The following MYRIP variants were observed in gnomAD, a reference collection of about 807,000 sequenced individuals.
MYRIP encodes the protein rab effector MyRIP.
In MYRIP, 49 loss-of-function variants were observed where a neutral mutation model predicts 98.0. The observed-to-expected ratio is 0.50, with a 90% confidence interval of 0.40 to 0.63. The LOEUF (loss-of-function observed/expected upper bound fraction) is 0.63. Ranked by LOEUF, MYRIP falls within the 30% of genes least tolerant of loss-of-function variation. The probability of loss-of-function intolerance (pLI) is 0.00; values close to 1 mark genes in which losing one functional copy is unlikely to be tolerated. For missense variants in MYRIP, 1,004 were observed against 1,058.2 expected (o/e 0.95, Z 0.71); for synonymous variants, 404 against 409.5 (o/e 0.99, Z 0.16).
intron 2 of MYRIP, among the ~76,000 whole-genome samples, chr3:40,015,129 A>C (rs2125800123): frequency 6.6e-6 from 1 of 152,326 alleles, no homozygotes; most frequent in Middle Eastern, 3.4e-3. Context: ...ACAAGTTAAG[A>C]AGATGCCTAC....
At chr3:39,994,568 A>G (rs1946283298) in intron 2 of MYRIP, among the ~76,000 whole-genome samples, 2 of 152,220 alleles carry the variant, frequency 1.3e-5, no homozygotes, top group Admixed American at 1.3e-4. Context: ...AGCCCACCAC[A>G]GCTCAAGGAG....
chr3:39,810,293 C>T (rs1940629805), intron 1 of MYRIP, among the ~76,000 whole-genome samples: 1 of 152,216 alleles, frequency 6.6e-6, no homozygotes, highest in African/African-American at 2.4e-5. Flanking sequence ...CGCCTCAAAC[C>T]ATCCGTTAAG....
chr3:40,050,374 A>G (rs1162070830), intron 3 of MYRIP, among the ~76,000 whole-genome samples: 1 of 152,230 alleles, frequency 6.6e-6, no homozygotes, highest in East Asian at 1.9e-4. Context: ...TGCTCTATAA[A>G]TAAAACAACA....
At chr3:40,122,304 T>C (rs763253162) in intron 3 of MYRIP, among the ~76,000 whole-genome samples, 2 of 151,784 alleles carry the variant, frequency 1.3e-5, no homozygotes, top group Non-Finnish European at 2.9e-5. Flanking sequence ...AAAGTACATA[T>C]GAAATAGAAA....
chr3:40,093,575 G>A (rs1254490394), intron 3 of MYRIP, among the ~76,000 whole-genome samples: 1 of 152,218 alleles, frequency 6.6e-6, no homozygotes, highest in East Asian at 1.9e-4. Context: ...TATCAGGTAT[G>A]TTTACCCCGT....
At chr3:39,923,638 A>G (rs1434024907) in intron 2 of MYRIP, among the ~76,000 whole-genome samples, 2 of 152,162 alleles carry the variant, frequency 1.3e-5, no homozygotes, top group South Asian at 2.1e-4. Flanking sequence ...TTACCAGGAG[A>G]CCTTTGCTAA....
intron 8 of MYRIP, among the ~76,000 whole-genome samples, chr3:40,178,695 A>G (rs1281707500): frequency 6.6e-6 from 1 of 152,182 alleles, no homozygotes; most frequent in African/African-American, 2.4e-5. Context: ...CATGATACTG[A>G]TCCCTTAACA....
At chr3:40,215,973 C>T (rs887370983) in intron 11 of MYRIP, among the ~76,000 whole-genome samples, 2 of 152,234 alleles carry the variant, frequency 1.3e-5, no homozygotes, top group African/African-American at 2.4e-5. Context: ...CATTCATGCT[C>T]ATCTGCACTC....
chr3:40,138,432 T>A lies in MYRIP; in HGVS notation c.333-12616T>A, dbSNP rs545555564. 5.1e-4 allele frequency among the ~76,000 whole-genome samples: 78 copies of A among 152,362 alleles called. No individual in the cohort carries two copies. The South Asian group carries it at 0.016, about 32-fold the overall frequency. On this transcript the variant is annotated intron_variant, in intron 3 of 16. Transcript: ENST00000302541. ...TCAGTTCTAACTATGTTGTCATTGGTAAATTTTGAAGGTTTGCTGTTATTT... is the reference window on the plus strand; with the variant it reads ...TCAGTTCTAACTATGTTGTCATTGGAAAATTTTGAAGGTTTGCTGTTATTT...
At chr3:40,198,076 G>A (rs1026695870) in intron 10 of MYRIP, among the ~76,000 whole-genome samples, 1 of 152,168 alleles carries the variant, frequency 6.6e-6, no homozygotes, top group African/African-American at 2.4e-5. Flanking sequence ...CATGGTTTTT[G>A]TAGTCTCTAC....
intron 2 of MYRIP, among the ~76,000 whole-genome samples, chr3:40,035,815 G>A (rs1314689131): frequency 6.6e-6 from 1 of 151,820 alleles, no homozygotes; most frequent in Non-Finnish European, 1.5e-5. Context: ...GCACATGAGT[G>A]GAACAGGCAT....
At position 39,828,170 on chromosome 3, in the gene MYRIP, A is replaced by G. The variant is rs115079153; in HGVS notation, c.-31+18254A>G. On this transcript the variant is annotated intron_variant, in intron 1 of 16. Transcript: ENST00000302541. ...GTTTTCAGCTATTATTTTATTAAGT[A>G]TATTTTCTACATGTTTCTTCTTCTC... Among the ~76,000 whole-genome samples the G allele has an allele frequency of 9.6e-3, 1,453 of 152,016 alleles. 20 individuals carry two copies. Among genetic ancestry groups the G allele is most frequent in the African/African-American group, 0.032 (1,346 of 41,464 alleles).
At chr3:39,911,765 C>G (rs1195870103) in intron 2 of MYRIP, among the ~76,000 whole-genome samples, 1 of 152,240 alleles carries the variant, frequency 6.6e-6, no homozygotes, top group Non-Finnish European at 1.5e-5. Flanking sequence ...TTCTTCCTCT[C>G]TCTGTGCTGT....
At position 39,950,107 on chromosome 3, in the gene MYRIP, T is replaced by C. The variant is rs76770842; in HGVS notation, c.110+49181T>C. ...CTTAATAGATCTCTGCCATTTAATT[T>C]TTATGTTCTTTTGTCTTTAGGGTAT... is the stretch of plus-strand genomic sequence containing the variant. On this transcript the variant is annotated intron_variant, in intron 2 of 16. Coordinates refer to ENST00000302541, the MANE Select transcript of MYRIP (RefSeq NM_015460.4). Among the ~76,000 whole-genome samples, 1,147 of 152,274 alleles carry C rather than the reference T, an allele frequency of 7.5e-3. 15 individuals carry two copies. The highest frequency in any genetic ancestry group is 0.026 in the African/African-American group (1,092 of 41,560).
At chr3:40,034,118 C>T (rs1253421713) in intron 2 of MYRIP, among the ~76,000 whole-genome samples, 2 of 151,876 alleles carry the variant, frequency 1.3e-5, no homozygotes, top group African/African-American at 2.4e-5. Flanking sequence ...CCATAAAAAC[C>T]CTAGAAGAAA....
chr3:39,962,825 A>G (rs745378442), intron 2 of MYRIP, among the ~76,000 whole-genome samples: 1 of 152,136 alleles, frequency 6.6e-6, no homozygotes, highest in Non-Finnish European at 1.5e-5. Flanking sequence ...CTGCCAGCCC[A>G]TTCTTGGCCA....
chr3:39,893,487 A>T (rs1943534710), intron 1 of MYRIP, among the ~76,000 whole-genome samples: 1 of 152,146 alleles, frequency 6.6e-6, no homozygotes, highest in South Asian at 2.1e-4. Context: ...ATTATAATTC[A>T]ATAGGGACCA....
chr3:40,190,116 C>T lies in MYRIP; in HGVS notation c.1318C>T (p.Pro440Ser). 1 of 1,614,066 alleles carries T rather than the reference C, an allele frequency of 6.2e-7. No individual in the cohort carries two copies. The change falls in exon 10 of 17, where the codon CCA (proline) becomes TCA (serine). Residue 440 changes from proline (P) to serine (S), a missense_variant. Pro to Ser is a moderately conservative substitution (Grantham distance 74, BLOSUM62 -1). Coordinates refer to ENST00000302541, the MANE Select transcript of MYRIP (RefSeq NM_015460.4). The part of the protein sequence containing the change: ...SSDQGPIAAS[P>S]SSALSPNPEA... The stretch of plus-strand genomic sequence containing the variant: ...TGACCAAGGCCCCATAGCTGCCTCC[C>T]CATCCTCTGCACTCTCCCCCAACCC...
intron 3 of MYRIP, among the ~76,000 whole-genome samples, chr3:40,101,772 GT>G (rs548041972): frequency 2.6e-5 from 4 of 151,882 alleles, no homozygotes; most frequent in East Asian, 1.9e-4. Flanking sequence ...CATTTTTGAA[GT>G]TTTTTTTCTC....
Sources: allele counts gnomAD v4.1 joint callset (sites outside exome capture counted in the v4.1 genomes callset), GRCh38; gene constraint gnomAD v4.1.1; transcripts MANE v1.5; gene names NCBI Gene and HGNC (gene_info 2026-07-23, HGNC 2026-07-21).